MAPK4: variants seen among roughly 807,000 people sequenced by gnomAD.
MAPK4 encodes mitogen-activated protein kinase 4, also known as Erk3-related.
MAPK4 carries 22 observed loss-of-function variants against 47.7 expected under a neutral mutation model. The observed-to-expected ratio is 0.46, with a 90% CI of 0.33 to 0.66. The LOEUF is 0.66. Among genes scored for constraint, MAPK4 ranks in the 30% least tolerant of loss-of-function variants. The probability of loss-of-function intolerance (pLI) is 0.02; values close to 1 mark genes in which losing one functional copy is unlikely to be tolerated. For synonymous variants in MAPK4, 390 were observed against 365.7 expected, an observed-to-expected ratio of 1.07 and a Z score of -0.76; for missense variants, 736 against 831.7, an observed-to-expected ratio of 0.88 and a Z score of 1.42.
chr18:50,573,113 G>A (rs936512663), intron 1 of MAPK4, among the ~76,000 whole-genome samples: 5 of 151,714 alleles, frequency 3.3e-5, no homozygotes, highest in African/African-American at 4.9e-5. Context: ...GAGGATTGAC[G>A]TGAGGGAAGG....
chr18:50,560,296 A>C (rs1428659236), intron 1 of MAPK4, 53 bp downstream of exon 1: 1 of 151,916 alleles, frequency 6.6e-6, no homozygotes, highest in Admixed American at 6.6e-5. Flanking sequence ...CGCCTCTCGG[A>C]GTTCGGCGGG....
At chr18:50,648,420 C>T (rs550478861) in intron 1 of MAPK4, among the ~76,000 whole-genome samples, 2 of 151,882 alleles carry the variant, frequency 1.3e-5, no homozygotes, top group African/African-American at 4.8e-5. Context: ...GTGTGAGGAA[C>T]CTGTGGGGCA....
intron 2 of MAPK4, among the ~76,000 whole-genome samples, chr18:50,677,910 C>T (rs1908368400): frequency 6.6e-6 from 1 of 152,118 alleles, no homozygotes; most frequent in Non-Finnish European, 1.5e-5. Flanking sequence ...AGGCTGCAGC[C>T]TCTGGGAAGA....
intron 1 of MAPK4, among the ~76,000 whole-genome samples, chr18:50,606,129 C>T (rs1271905992): frequency 2.0e-5 from 3 of 152,060 alleles, no homozygotes; most frequent in African/African-American, 7.2e-5. Context: ...GGAATGGGAA[C>T]GTGCCCTGGA....
chr18:50,660,592 G>A (rs1438017993), intron 1 of MAPK4, among the ~76,000 whole-genome samples: 4 of 152,166 alleles, frequency 2.6e-5, no homozygotes, highest in Non-Finnish European at 5.9e-5. Flanking sequence ...AACAGCCCAG[G>A]CTAATGTATG....
At chr18:50,729,046 T>G in intron 5 of MAPK4, 112 bp from the exon 6 acceptor site, 8 of 877,274 alleles carry the variant, frequency 9.1e-6, no homozygotes, top group South Asian at 1.8e-5. Flanking sequence ...CCTTGAGGGA[T>G]GGGGGTCGAA....
At chr18:50,631,513 A>G (rs1443965248) in intron 1 of MAPK4, among the ~76,000 whole-genome samples, 2 of 152,214 alleles carry the variant, frequency 1.3e-5, no homozygotes, top group Non-Finnish European at 2.9e-5. Context: ...ATGAATAAAG[A>G]GGGTCAACTT....
At chr18:50,569,311 A>G (rs369990726) in intron 1 of MAPK4, among the ~76,000 whole-genome samples, 1 of 152,244 alleles carries the variant, frequency 6.6e-6, no homozygotes, top group African/African-American at 2.4e-5. Flanking sequence ...ACATAAAATC[A>G]TAGTGCTTCA....
chr18:50,635,838 G>A (rs891042715), intron 1 of MAPK4, among the ~76,000 whole-genome samples: 12 of 152,158 alleles, frequency 7.9e-5, no homozygotes, highest in South Asian at 4.1e-4. Flanking sequence ...CCCATGGTTC[G>A]GTCCACAAGC....
At chr18:50,592,644 A>G (rs1470794664) in intron 1 of MAPK4, among the ~76,000 whole-genome samples, 2 of 152,264 alleles carry the variant, frequency 1.3e-5, no homozygotes, top group African/African-American at 4.8e-5. Flanking sequence ...TTGCCAAGCA[A>G]TATGGGAAAA....
chr18:50,632,443 C>T (rs1389925463), intron 1 of MAPK4, among the ~76,000 whole-genome samples: 5 of 152,128 alleles, frequency 3.3e-5, no homozygotes, highest in Admixed American at 2.6e-4. Flanking sequence ...TGATCTTTCC[C>T]TTCCAAATGA....
At chr18:50,696,162 G>T (rs574773070) in intron 2 of MAPK4, among the ~76,000 whole-genome samples, 2 of 151,876 alleles carry the variant, frequency 1.3e-5, no homozygotes, top group Admixed American at 6.6e-5. Flanking sequence ...CCCTGTGCTG[G>T]AGCTCCCAAG....
intron 1 of MAPK4, among the ~76,000 whole-genome samples, chr18:50,582,235 C>T (rs2042351783): frequency 6.6e-6 from 1 of 152,220 alleles, no homozygotes; most frequent in African/African-American, 2.4e-5. Context: ...CAGACTCTGA[C>T]ACTCAGTGGC....
intron 1 of MAPK4, among the ~76,000 whole-genome samples, chr18:50,587,195 T>G (rs1346471246): frequency 6.6e-6 from 1 of 152,154 alleles, no homozygotes; most frequent in Non-Finnish European, 1.5e-5. Flanking sequence ...GTGATAGAAT[T>G]AAGACATGGG....
chr18:50,607,099 C>T (rs2042589304), intron 1 of MAPK4, among the ~76,000 whole-genome samples: 1 of 152,132 alleles, frequency 6.6e-6, no homozygotes, highest in East Asian at 1.9e-4. Flanking sequence ...TCTTTGTATG[C>T]AAAGCATCAC....
intron 1 of MAPK4, among the ~76,000 whole-genome samples, chr18:50,582,318 T>TA (rs776424526): frequency 1.3e-5 from 2 of 152,204 alleles, no homozygotes; most frequent in Non-Finnish European, 2.9e-5. Context: ...CTGAGAAAGC[T>TA]AAATCCTGAC....
chr18:50,671,817 G>A (rs187274048), intron 2 of MAPK4, among the ~76,000 whole-genome samples: 1 of 150,884 alleles, frequency 6.6e-6, no homozygotes, highest in Admixed American at 6.6e-5. Context: ...TTGAGCCCAA[G>A]AGTTCAAGGC....
intron 2 of MAPK4, among the ~76,000 whole-genome samples, chr18:50,695,338 TAAAAAAAAAAAA>T (rs59857315): frequency 1.2e-4 from 10 of 84,696 alleles, no homozygotes; most frequent in East Asian, 3.6e-4. Flanking sequence ...GGCTCCATCT[TAAAAAAAAAAAA>T]AAAAAAAAAA....
At chr18:50,651,831 C>T (rs2043052986) in intron 1 of MAPK4, among the ~76,000 whole-genome samples, 1 of 152,228 alleles carries the variant, frequency 6.6e-6, no homozygotes, top group African/African-American at 2.4e-5. Flanking sequence ...TCTCCATTCC[C>T]AACTCTCACA....
Sources: gnomAD v4.1 joint callset for allele counts (sites outside exome capture counted in the v4.1 genomes callset) on GRCh38, gnomAD v4.1.1 for gene constraint, MANE v1.5 for transcripts, NCBI Gene and HGNC (gene_info 2026-07-23, HGNC 2026-07-21) for gene names.